The following HNF4G variants were observed in gnomAD, a reference collection of about 807,000 sequenced individuals.
HNF4G encodes the protein hepatocyte nuclear factor 4 gamma.
HNF4G carries 21 observed loss-of-function variants against 50.9 expected under a neutral mutation model. The ratio of observed to expected loss-of-function variants is 0.41; its 90% CI spans 0.29 to 0.59. The LOEUF (loss-of-function observed/expected upper bound fraction) is 0.59, where lower values mean the gene tolerates loss of function less well. Among genes scored for constraint, HNF4G ranks in the 20% least tolerant of loss-of-function variants. HNF4G has a pLI of 0.26. For missense variants in HNF4G, 527 were observed against 559.4 expected, an observed-to-expected ratio of 0.94 and a Z score of 0.58; for synonymous variants, 198 against 185.6, an observed-to-expected ratio of 1.07 and a Z score of -0.54.
intron 1 of HNF4G, among the ~76,000 whole-genome samples, chr8:75,480,116 A>G (rs1484056144): frequency 6.6e-6 from 1 of 152,200 alleles, no homozygotes; most frequent in Non-Finnish European, 1.5e-5. Flanking sequence ...TATGTGCTAT[A>G]CCTGGTAACT....
chr8:75,428,681 T>C (rs1425460264), intron 1 of HNF4G, among the ~76,000 whole-genome samples: 1 of 152,164 alleles, frequency 6.6e-6, no homozygotes. Context: ...GAGAGAGCAC[T>C]GTTGAACATG....
chr8:75,522,981 C>G (rs766398127), intron 2 of HNF4G, among the ~76,000 whole-genome samples: 2 of 152,046 alleles, frequency 1.3e-5, no homozygotes, highest in African/African-American at 4.8e-5. Context: ...AATCCCAGCA[C>G]TTTGGGAGGT....
At chr8:75,519,465 C>T (rs1398656423) in intron 2 of HNF4G, among the ~76,000 whole-genome samples, 1 of 152,162 alleles carries the variant, frequency 6.6e-6, no homozygotes. Context: ...TGTTCTCATA[C>T]TGCTAATAAA....
At position 75,430,432 on chromosome 8, in the gene HNF4G, T is replaced by C. The variant is rs555924967; in HGVS notation, c.-144+22270T>C. On this transcript the variant is annotated intron_variant, in intron 1 of 10. Coordinates refer to the HNF4G transcript ENST00000354370. Reference sequence around the variant, plus strand: ...TAGGATCCCTGAAAGACAATACTTATTGTGAATTAAATAAGCAAATAAAAG... The same window carrying C: ...TAGGATCCCTGAAAGACAATACTTACTGTGAATTAAATAAGCAAATAAAAG... 4.0e-5 allele frequency among the ~76,000 whole-genome samples: 6 copies of C among 151,360 alleles called. No homozygotes were observed. In the South Asian group the frequency reaches 1.0e-3, roughly 26 times the overall value.
chr8:75,430,356 G>C (rs1810981873), intron 1 of HNF4G, among the ~76,000 whole-genome samples: 1 of 152,028 alleles, frequency 6.6e-6, no homozygotes, highest in Non-Finnish European at 1.5e-5. Context: ...AACAAATTTA[G>C]TTTGGGCTGG....
intron 2 of HNF4G, among the ~76,000 whole-genome samples, chr8:75,531,861 C>G (rs924838177): frequency 2.0e-5 from 3 of 151,962 alleles, no homozygotes; most frequent in African/African-American, 7.2e-5. Flanking sequence ...TGAAACTGCC[C>G]CATATGGATA....
At chr8:75,467,643 A>G (rs1023938193) in intron 1 of HNF4G, among the ~76,000 whole-genome samples, 9 of 151,002 alleles carry the variant, frequency 6.0e-5, no homozygotes, top group African/African-American at 2.2e-4. Context: ...CTGGCAACAG[A>G]GCAAGACTCT....
intron 2 of HNF4G, among the ~76,000 whole-genome samples, chr8:75,517,782 G>A (rs540566972): frequency 5.3e-4 from 81 of 152,106 alleles, no homozygotes; most frequent in Middle Eastern, 3.4e-3. Context: ...TCTGGAAGAC[G>A]GTGGCCCTCT....
intron 1 of HNF4G, among the ~76,000 whole-genome samples, chr8:75,436,655 A>G (rs533493995): frequency 1.1e-4 from 17 of 152,352 alleles, no homozygotes; most frequent in Admixed American, 9.8e-4. Context: ...TCAAAGGGAC[A>G]TAAGAGAATA....
At chr8:75,555,494 GT>G (rs1394522491) in intron 5 of HNF4G, among the ~76,000 whole-genome samples, 1 of 152,004 alleles carries the variant, frequency 6.6e-6, no homozygotes, top group Admixed American at 6.6e-5. Context: ...CTTTGCTTTT[GT>G]TTATTTAGTT....
chr8:75,493,707 T>C (rs1420605729), intron 2 of HNF4G, among the ~76,000 whole-genome samples: 2 of 152,160 alleles, frequency 1.3e-5, no homozygotes, highest in Non-Finnish European at 1.5e-5. Context: ...CTTCATAGTG[T>C]TTTTTACCTG....
upstream of HNF4G, chr8:75,539,809 G>A (rs1325489351): frequency 1.8e-6 from 1 of 549,112 alleles, no homozygotes; most frequent in Non-Finnish European, 3.3e-6. Flanking sequence ...GCTGAAGAAG[G>A]TTACAGTTTT....
intron 1 of HNF4G, among the ~76,000 whole-genome samples, chr8:75,420,518 C>T (rs533761562): frequency 7.9e-5 from 12 of 152,326 alleles, no homozygotes; most frequent in Admixed American, 7.8e-4. Context: ...GAGTTTTCTT[C>T]ATTCTCCTCT....
rs770390993 is a variant in HNF4G, at chr8:75,564,588, C to G, written c.*492C>G. Reference sequence around the variant, plus strand: ...GCTGTAGAATAGGCTGTATCTTTTTCAAGAAGAATCTCTTATGGACAGTCT... The same window carrying G: ...GCTGTAGAATAGGCTGTATCTTTTTGAAGAAGAATCTCTTATGGACAGTCT... On this transcript the variant is annotated 3_prime_UTR_variant, in exon 10 of 10. Coordinates refer to ENST00000396423, the MANE Select transcript of HNF4G (RefSeq NM_004133.5). 1 of 152,248 alleles carries G rather than the reference C, an allele frequency of 6.6e-6. No individual in the cohort carries two copies. Among genetic ancestry groups the G allele is most frequent in the East Asian group, 1.9e-4 (1 of 5,188 alleles). The allele number at this position is 152,248 out of a possible 1,614,324, so 9.4% of individuals were successfully genotyped here.
intron 1 of HNF4G, among the ~76,000 whole-genome samples, chr8:75,458,963 G>A (rs912198604): frequency 6.6e-6 from 1 of 151,920 alleles, no homozygotes; most frequent in African/African-American, 2.4e-5. Context: ...TTTATCTCAG[G>A]CAATAAAGAT....
intron 1 of HNF4G, among the ~76,000 whole-genome samples, chr8:75,461,339 CA>C (rs1243186120): frequency 1.3e-5 from 2 of 152,112 alleles, no homozygotes; most frequent in Non-Finnish European, 2.9e-5. Flanking sequence ...CCCCTTCCGC[CA>C]TCTTCCTTCT....
rs535265292 is a variant in HNF4G, at chr8:75,456,774, T to A, written c.-143-33315T>A. 4.7e-4 allele frequency among the ~76,000 whole-genome samples: 72 copies of A among 152,048 alleles called. 1 individual carries two copies. Among genetic ancestry groups the A allele is most frequent in the Non-Finnish European group, 1.0e-3 (69 of 68,006 alleles). Reference sequence around the variant, plus strand: ...ATTTTGTTTTGAGACAGAGTCTCACTCTATTGCCTAGGCTGGAGTGCAGTG... The same window carrying A: ...ATTTTGTTTTGAGACAGAGTCTCACACTATTGCCTAGGCTGGAGTGCAGTG... On this transcript the variant is annotated intron_variant, in intron 1 of 10. Coordinates refer to the HNF4G transcript ENST00000354370.
At chr8:75,426,478 A>G (rs911298931) in intron 1 of HNF4G, among the ~76,000 whole-genome samples, 1 of 152,174 alleles carries the variant, frequency 6.6e-6, no homozygotes, top group Non-Finnish European at 1.5e-5. Context: ...CTTCTCTTAT[A>G]CCTCTGAACC....
chr8:75,487,251 A>T (rs1812520120), intron 1 of HNF4G, among the ~76,000 whole-genome samples: 1 of 133,410 alleles, frequency 7.5e-6, no homozygotes, highest in East Asian at 2.3e-4. Context: ...CGATTCTTAT[A>T]TTTTTTTATT....
Sources: allele counts gnomAD v4.1 joint callset (sites outside exome capture counted in the v4.1 genomes callset), GRCh38; gene constraint gnomAD v4.1.1; transcripts MANE v1.5; gene names NCBI Gene and HGNC (gene_info 2026-07-23, HGNC 2026-07-21).